The following SAMMSON variants were observed in gnomAD, a reference collection of about 807,000 sequenced individuals.
SAMMSON encodes the protein long intergenic non-protein coding RNA 1212.
At chr3:70,087,580 A>T (rs573247989) in intron 4 of SAMMSON, among the ~76,000 whole-genome samples, 1 of 152,338 alleles carries the variant, frequency 6.6e-6, no homozygotes, top group South Asian at 2.1e-4. Flanking sequence ...GCATGTTCTC[A>T]TTAGCAGAGA....
chr3:70,117,078 C>T (rs1324776637), intron 4 of SAMMSON, among the ~76,000 whole-genome samples: 1 of 152,122 alleles, frequency 6.6e-6, no homozygotes, highest in African/African-American at 2.4e-5. Context: ...ATATGATGAA[C>T]TGAATGTCAG....
intron 2 of SAMMSON, among the ~76,000 whole-genome samples, chr3:70,407,455 G>T (rs532870152): frequency 1.3e-5 from 2 of 152,248 alleles, no homozygotes; most frequent in South Asian, 2.1e-4. Context: ...TACAGGTATT[G>T]GTAAATACAG....
intron 3 of SAMMSON, among the ~76,000 whole-genome samples, chr3:70,021,301 T>G (rs556677152): frequency 6.6e-6 from 1 of 152,322 alleles, no homozygotes; most frequent in South Asian, 2.1e-4. Context: ...TTTCTTTTAT[T>G]TCAGTTTGAT....
intron 3 of SAMMSON, among the ~76,000 whole-genome samples, chr3:70,060,210 A>G (rs2067182575): frequency 1.3e-5 from 2 of 152,082 alleles, no homozygotes; most frequent in South Asian, 2.1e-4. Context: ...GCACTGTGCT[A>G]GTTGCTGGGG....
At chr3:70,432,129 C>G (rs960083081) in intron 2 of SAMMSON, among the ~76,000 whole-genome samples, 7 of 151,866 alleles carry the variant, frequency 4.6e-5, no homozygotes, top group African/African-American at 1.4e-4. Context: ...ACAGCCAAAC[C>G]GAGGAATTTG....
chr3:70,039,576 C>T (rs1025064880), intron 3 of SAMMSON, among the ~76,000 whole-genome samples: 2 of 145,636 alleles, frequency 1.4e-5, no homozygotes, highest in Non-Finnish European at 3.0e-5. Flanking sequence ...TGATCCAATT[C>T]CTTAAAACAC....
At chr3:70,414,949 C>A (rs1346439754) in intron 2 of SAMMSON, among the ~76,000 whole-genome samples, 2 of 151,984 alleles carry the variant, frequency 1.3e-5, no homozygotes, top group Non-Finnish European at 2.9e-5. Flanking sequence ...TGAAACTAAA[C>A]AACCGCAACT....
intron 6 of SAMMSON, among the ~76,000 whole-genome samples, chr3:70,270,831 C>A (rs558329181): frequency 1.3e-5 from 2 of 152,100 alleles, no homozygotes; most frequent in South Asian, 2.1e-4. Flanking sequence ...GGGAGTTGAG[C>A]AATTAGAACA....
intron 6 of SAMMSON, among the ~76,000 whole-genome samples, chr3:70,289,334 G>C (rs573086017): frequency 0.026 from 4,000 of 151,300 alleles, 62 homozygotes; most frequent in Middle Eastern, 0.068. Flanking sequence ...AGTTTGGCTG[G>C]ATATGAAATT....
chr3:70,418,704 A>G (rs1456867800), intron 2 of SAMMSON, among the ~76,000 whole-genome samples: 4 of 152,324 alleles, frequency 2.6e-5, no homozygotes, highest in South Asian at 2.1e-4. Flanking sequence ...TTTAACCTAG[A>G]AAAAGGGCAG....
chr3:70,007,890 T>A (rs1471232229), intron 1 of SAMMSON, among the ~76,000 whole-genome samples: 5 of 152,208 alleles, frequency 3.3e-5, no homozygotes, highest in Admixed American at 3.3e-4. Flanking sequence ...CCAGCACCAT[T>A]TGTTAAATGG....
intron 8 of SAMMSON, among the ~76,000 whole-genome samples, chr3:70,354,647 C>T (rs956057125): frequency 6.6e-6 from 1 of 152,164 alleles, no homozygotes; most frequent in Non-Finnish European, 1.5e-5. Flanking sequence ...GAACCCAGTT[C>T]TGCATTATGT....
At chr3:70,004,963 G>GAACT (rs922378170) in intron 1 of SAMMSON, among the ~76,000 whole-genome samples, 7 of 152,136 alleles carry the variant, frequency 4.6e-5, no homozygotes, top group African/African-American at 1.7e-4. Context: ...CCCAAAGGGG[G>GAACT]AACTGCTTTA....
chr3:70,154,595 T>C (rs750576090), intron 4 of SAMMSON, among the ~76,000 whole-genome samples: 24 of 152,106 alleles, frequency 1.6e-4, no homozygotes, highest in Non-Finnish European at 2.9e-4. Flanking sequence ...TTGCCTGGGC[T>C]AGAGCATAGG....
At chr3:70,111,909 A>G (rs1019434149) in intron 4 of SAMMSON, among the ~76,000 whole-genome samples, 3 of 152,142 alleles carry the variant, frequency 2.0e-5, no homozygotes, top group African/African-American at 7.2e-5. Flanking sequence ...GCCCAGAGTC[A>G]TAGAGAATTG....
chr3:70,396,935 C>T (rs941781773), intron 2 of SAMMSON, among the ~76,000 whole-genome samples: 1 of 152,160 alleles, frequency 6.6e-6, no homozygotes. Context: ...AATTTTACTA[C>T]TTGTTTATCT....
chr3:70,257,275 A>G (rs1417575010), intron 6 of SAMMSON, among the ~76,000 whole-genome samples: 1 of 152,208 alleles, frequency 6.6e-6, no homozygotes, highest in Non-Finnish European at 1.5e-5. Flanking sequence ...AAAAAAGTTC[A>G]AGAATAGACT....
At chr3:70,367,000 T>C (rs1265856502) in intron 9 of SAMMSON, among the ~76,000 whole-genome samples, 1 of 151,728 alleles carries the variant, frequency 6.6e-6, no homozygotes, top group Non-Finnish European at 1.5e-5. Context: ...GTTCGTACTT[T>C]TGCTCATTTA....
At chr3:70,005,123 A>G (rs951014102) in intron 1 of SAMMSON, among the ~76,000 whole-genome samples, 1 of 152,136 alleles carries the variant, frequency 6.6e-6, no homozygotes, top group African/African-American at 2.4e-5. Context: ...ATTGAAGGGA[A>G]GAGATAATCC....
Sources: gnomAD v4.1 joint callset for allele counts (sites outside exome capture counted in the v4.1 genomes callset) on GRCh38, gnomAD v4.1.1 for gene constraint, MANE v1.5 for transcripts, NCBI Gene and HGNC (gene_info 2026-07-23, HGNC 2026-07-21) for gene names.